Variants in COL4A1 observed in about 807,000 individuals in gnomAD.
COL4A1 encodes the protein collagen type IV alpha 1 chain, also known as collagen alpha-1(IV) chain.
COL4A1 carries 40 observed loss-of-function variants against 216.6 expected under a neutral mutation model. The observed-to-expected ratio is 0.18, with a 90% CI of 0.14 to 0.24. The LOEUF is 0.24. Ranked by LOEUF, COL4A1 falls within the 10% of genes least tolerant of loss-of-function variation. The probability of loss-of-function intolerance (pLI) is 1.00; values close to 1 mark genes in which losing one functional copy is unlikely to be tolerated. For missense variants in COL4A1, 1,628 were observed against 2,196.8 expected (o/e 0.74, Z 5.18); for synonymous variants, 839 against 810.7 (o/e 1.03, Z -0.59).
At chr13:110,205,472 A>C in intron 16 of COL4A1, 22 bp downstream of exon 16, 1 of 1,614,156 alleles carries the variant, frequency 6.2e-7, no homozygotes. Context: ...CCTGCTTGTA[A>C]AAACCACAGA....
intron 1 of COL4A1, among the ~76,000 whole-genome samples, chr13:110,250,694 C>T (rs987401711): frequency 8.5e-5 from 13 of 152,078 alleles, no homozygotes; most frequent in African/African-American, 2.7e-4. Flanking sequence ...TGGTGGGCTT[C>T]GTGTGTGTCT....
chr13:110,228,129 G>A (rs17593601), intron 2 of COL4A1, among the ~76,000 whole-genome samples: 6,924 of 151,928 alleles, frequency 0.046, 252 homozygotes, highest in Admixed American at 0.084. Context: ...GACCATCGCG[G>A]AGCACCTGCC....
intron 21 of COL4A1, among the ~76,000 whole-genome samples, chr13:110,197,982 A>G (rs1878980618): frequency 6.6e-6 from 1 of 152,042 alleles, no homozygotes; most frequent in Non-Finnish European, 1.5e-5. Context: ...CAAGACTTCC[A>G]TGTTACATGT....
intron 1 of COL4A1, among the ~76,000 whole-genome samples, chr13:110,260,669 A>G (rs1566425359): frequency 6.6e-6 from 1 of 152,152 alleles, no homozygotes; most frequent in Non-Finnish European, 1.5e-5. Context: ...TCAGTTTTGC[A>G]AGAGGAAAAG....
chr13:110,150,029 T>C lies in COL4A1; in HGVS notation c.*334A>G. On this transcript the variant is annotated 3_prime_UTR_variant, in exon 52 of 52. Coordinates refer to ENST00000375820, the MANE Select transcript of COL4A1 (RefSeq NM_001845.6). ...CAAGAATGAAAATGGGCAAACAGTA[T>C]GGAAGGCACCCACACCTCCTAGCAC... 2.6e-6 allele frequency: 1 copy of C among 387,194 alleles called. No homozygotes were observed. The highest frequency in any genetic ancestry group is 4.9e-6 in the Non-Finnish European group (1 of 202,130). 24.0% of individuals were successfully genotyped at this position (387,194 alleles called of 1,614,324 possible). A position where few individuals can be genotyped will look rare whatever the true frequency, so the allele number is the denominator to read the frequency against.
intron 51 of COL4A1, 61 bp downstream of exon 51, chr13:110,152,273 G>A (rs1876534214): frequency 6.2e-7 from 1 of 1,605,856 alleles, no homozygotes; most frequent in African/African-American, 1.3e-5. Context: ...GATCGCGGAT[G>A]ATTAAAAAAT....
At chr13:110,209,461 C>T (rs763245646) in intron 10 of COL4A1, 34 bp from the exon 11 acceptor site, 1 of 1,503,546 alleles carries the variant, frequency 6.7e-7, no homozygotes, top group South Asian at 1.2e-5. Flanking sequence ...AAATAGGATT[C>T]AGAACTCTAG....
intron 17 of COL4A1, 103 bp from the exon 18 acceptor site, chr13:110,203,710 G>C (rs763488804): frequency 9.1e-5 from 112 of 1,232,502 alleles, no homozygotes; most frequent in Non-Finnish European, 1.2e-4. Context: ...TGTGCCTACA[G>C]TAAATTAAAA....
intron 1 of COL4A1, among the ~76,000 whole-genome samples, chr13:110,299,250 C>A (rs1448153653): frequency 6.6e-6 from 1 of 152,196 alleles, no homozygotes; most frequent in Non-Finnish European, 1.5e-5. Flanking sequence ...CTGTCAGTAG[C>A]CGCACCCTCA....
chr13:110,225,238 C>T (rs907555637), intron 2 of COL4A1, among the ~76,000 whole-genome samples: 1 of 152,108 alleles, frequency 6.6e-6, no homozygotes, highest in East Asian at 1.9e-4. Context: ...CCCTCTCGTT[C>T]CCTCCCCCCA....
chr13:110,252,564 C>T (rs28532844), intron 1 of COL4A1, among the ~76,000 whole-genome samples: 1 of 33,196 alleles, frequency 3.0e-5, no homozygotes, highest in Non-Finnish European at 6.5e-5. Context: ...TATAATTATA[C>T]GTATATATGT....
intron 2 of COL4A1, among the ~76,000 whole-genome samples, chr13:110,219,688 A>ATGTATATATATG (rs1555307875): frequency 3.8e-4 from 43 of 114,038 alleles, no homozygotes; most frequent in East Asian, 2.2e-3. Context: ...GTGTATATAT[A>ATGTATATATATG]TGTATATATA....
At chr13:110,182,123 T>C (rs539329314) in intron 28 of COL4A1, among the ~76,000 whole-genome samples, 43 of 151,428 alleles carry the variant, frequency 2.8e-4, no homozygotes, top group Admixed American at 1.6e-3. Context: ...TGTGAGGGAG[T>C]TGTGAGTGTG....
intron 1 of COL4A1, 128 bp from the exon 2 acceptor site, chr13:110,242,862 C>T (rs533224456): frequency 1.0e-6 from 1 of 989,772 alleles, no homozygotes; most frequent in African/African-American, 1.6e-5. Context: ...CGGACACAAT[C>T]TTATCTGCAC....
At chr13:110,270,942 T>A (rs1367769334) in intron 1 of COL4A1, among the ~76,000 whole-genome samples, 1 of 152,158 alleles carries the variant, frequency 6.6e-6, no homozygotes, top group Non-Finnish European at 1.5e-5. Context: ...CTGGAACTTC[T>A]GATTCCAGGA....
At chr13:110,306,920 G>C (rs1264749679) in intron 1 of COL4A1, 24 bp downstream of exon 1, 14 of 1,451,282 alleles carry the variant, frequency 9.6e-6, no homozygotes, top group African/African-American at 1.5e-5. Flanking sequence ...GGGACGCCGG[G>C]AGCGGAGCTG....
intron 2 of COL4A1, among the ~76,000 whole-genome samples, chr13:110,235,567 C>T (rs192235981): frequency 4.7e-5 from 7 of 150,356 alleles, no homozygotes; most frequent in Admixed American, 2.7e-4. Context: ...AGGAGAATGG[C>T]GTGAACCAGT....
intron 2 of COL4A1, among the ~76,000 whole-genome samples, chr13:110,215,936 C>A (rs1475337771): frequency 1.3e-5 from 2 of 152,180 alleles, no homozygotes; most frequent in South Asian, 4.1e-4. Flanking sequence ...GGGACTCAGC[C>A]GCCACACCTC....
intron 24 of COL4A1, 40 bp downstream of exon 24, chr13:110,192,174 A>T (rs1359257653): frequency 1.9e-6 from 3 of 1,602,560 alleles, no homozygotes; most frequent in Non-Finnish European, 2.6e-6. Flanking sequence ...GCTTGGTGGC[A>T]ACTTCTGATA....
Sources: gnomAD v4.1 joint callset for allele counts (sites outside exome capture counted in the v4.1 genomes callset) on GRCh38, gnomAD v4.1.1 for gene constraint, MANE v1.5 for transcripts, NCBI Gene and HGNC (gene_info 2026-07-23, HGNC 2026-07-21) for gene names.